Variants in TLL1 observed in about 807,000 individuals in gnomAD.
TLL1 encodes tolloid like 1.
A neutral mutation model predicts 128.2 loss-of-function variants in TLL1; 49 were observed. The observed-to-expected ratio is 0.38, with a 90% CI of 0.30 to 0.48. The LOEUF (loss-of-function observed/expected upper bound fraction) is 0.48. Among genes scored for constraint, TLL1 ranks in the 20% least tolerant of loss-of-function variants. The pLI is 0.96. For synonymous variants in TLL1, 454 were observed against 418.8 expected, an observed-to-expected ratio of 1.08 and a Z score of -1.03; for missense variants, 1,123 against 1,242.0, an observed-to-expected ratio of 0.90 and a Z score of 1.44.
chr4:166,044,157 A>G (rs532127601), intron 12 of TLL1, among the ~76,000 whole-genome samples: 3 of 152,206 alleles, frequency 2.0e-5, no homozygotes, highest in Admixed American at 2.0e-4. Context: ...GTGGAGAAGA[A>G]CAATGAGATG....
intron 10 of TLL1, among the ~76,000 whole-genome samples, chr4:166,041,810 G>A (rs898713936): frequency 6.6e-6 from 1 of 152,096 alleles, no homozygotes; most frequent in African/African-American, 2.4e-5. Context: ...CAGCTACTCT[G>A]AGGCTGATGG....
chr4:166,077,425 AAGAG>A (rs34584987), intron 17 of TLL1, among the ~76,000 whole-genome samples: 5 of 152,108 alleles, frequency 3.3e-5, no homozygotes, highest in Admixed American at 2.0e-4. Context: ...ATATTTAACT[AAGAG>A]AGAGAGAAAA....
intron 7 of TLL1, among the ~76,000 whole-genome samples, chr4:166,009,722 A>G (rs1737598910): frequency 6.6e-6 from 1 of 151,414 alleles, no homozygotes; most frequent in African/African-American, 2.4e-5. Flanking sequence ...GAAGCTGTTT[A>G]TTAACTTATA....
At chr4:165,903,165 C>T (rs796701594) in intron 1 of TLL1, among the ~76,000 whole-genome samples, 14 of 152,044 alleles carry the variant, frequency 9.2e-5, no homozygotes, top group African/African-American at 3.1e-4. Context: ...ATGGGGAAAC[C>T]CCATCTCTAG....
intron 1 of TLL1, among the ~76,000 whole-genome samples, chr4:165,923,925 G>T (rs1733159474): frequency 6.6e-6 from 1 of 151,976 alleles, no homozygotes; most frequent in Non-Finnish European, 1.5e-5. Context: ...TATTATATCT[G>T]TTATGGTGAT....
chr4:165,964,950 TAAGTA>T (rs537290199), intron 1 of TLL1, among the ~76,000 whole-genome samples: 31 of 151,956 alleles, frequency 2.0e-4, no homozygotes, highest in Admixed American at 5.2e-4. Flanking sequence ...AATAAATAAA[TAAGTA>T]AATAAATAAA....
At position 166,089,088 on chromosome 4, in the gene TLL1, A is replaced by G. The variant is rs372940556; in HGVS notation, c.2443-2040A>G. Among the ~76,000 whole-genome samples, 18 of 152,276 alleles carry G rather than the reference A, an allele frequency of 1.2e-4. No individual in the cohort carries two copies. In the East Asian group the frequency reaches 2.3e-3, roughly 20 times the overall value. On this transcript the variant is annotated intron_variant, in intron 18 of 20. Transcript: ENST00000061240. The stretch of plus-strand genomic sequence containing the variant: ...CTGGTTCTTTGCTCTTTATATTTAC[A>G]GATTAGTGACTTTAAATCACAATCA...
chr4:166,004,027 T>A (rs901370831), intron 6 of TLL1, among the ~76,000 whole-genome samples: 7 of 152,116 alleles, frequency 4.6e-5, no homozygotes, highest in Non-Finnish European at 7.4e-5. Flanking sequence ...TCCAGTGAAA[T>A]GAGTCATTTC....
At chr4:166,077,869 G>A (rs571874584) in intron 17 of TLL1, 34 bp from the exon 18 acceptor site, 4 of 1,611,982 alleles carry the variant, frequency 2.5e-6, no homozygotes, top group Non-Finnish European at 8.5e-7. Context: ...GGGCTGGATT[G>A]CCACACTGTC....
intron 1 of TLL1, among the ~76,000 whole-genome samples, chr4:165,910,913 A>G (rs1269783856): frequency 2.0e-4 from 31 of 152,186 alleles, no homozygotes; most frequent in Admixed American, 2.0e-3. Context: ...TGATAGACAC[A>G]TAATATTGGT....
At chr4:165,941,566 A>G (rs1434979863) in intron 1 of TLL1, among the ~76,000 whole-genome samples, 2 of 152,154 alleles carry the variant, frequency 1.3e-5, no homozygotes, top group African/African-American at 4.8e-5. Flanking sequence ...AGATTTAGTA[A>G]TTGATCTAAT....
At chr4:165,951,764 C>T (rs558585005) in intron 1 of TLL1, among the ~76,000 whole-genome samples, 5 of 152,126 alleles carry the variant, frequency 3.3e-5, no homozygotes, top group Non-Finnish European at 5.9e-5. Flanking sequence ...TTGTGTTCTA[C>T]ACTGGAGTGA....
At chr4:166,063,835 G>A (rs1202263072) in intron 15 of TLL1, among the ~76,000 whole-genome samples, 4 of 152,104 alleles carry the variant, frequency 2.6e-5, no homozygotes, top group East Asian at 1.9e-4. Flanking sequence ...GCCACACACC[G>A]GGGCCTGTCA....
chr4:166,052,905 A>G lies in TLL1; in HGVS notation c.1525-2171A>G, dbSNP rs1308001866. On this transcript the variant is annotated intron_variant, in intron 12 of 20. Transcript: ENST00000061240. The stretch of plus-strand genomic sequence containing the variant: ...TTTGGCCATCTGGAAATGTTCTCAT[A>G]TTTATAGAGAACCCTGATTTTGAAG... Among the ~76,000 whole-genome samples the G allele has an allele frequency of 2.1e-5, 3 of 145,494 alleles. No individual in the cohort carries two copies. In the East Asian group the frequency reaches 6.1e-4, roughly 30 times the overall value.
chr4:166,069,563 A>G (rs1335784518), intron 16 of TLL1, among the ~76,000 whole-genome samples: 1 of 151,810 alleles, frequency 6.6e-6, no homozygotes, highest in Non-Finnish European at 1.5e-5. Context: ...ATACAATGAA[A>G]TAATATATTT....
chr4:165,915,157 A>G (rs888771666), intron 1 of TLL1, among the ~76,000 whole-genome samples: 20 of 152,242 alleles, frequency 1.3e-4, no homozygotes, highest in Non-Finnish European at 1.6e-4. Flanking sequence ...AGGAGAGCTC[A>G]TCATTGATTT....
chr4:166,020,262 C>T (rs556879317), intron 8 of TLL1, among the ~76,000 whole-genome samples: 1 of 152,302 alleles, frequency 6.6e-6, no homozygotes, highest in East Asian at 1.9e-4. Context: ...GCCTTTCACG[C>T]ATAAGGCATT....
chr4:165,953,576 A>G (rs1476282233), intron 1 of TLL1, among the ~76,000 whole-genome samples: 1 of 149,174 alleles, frequency 6.7e-6, no homozygotes. Flanking sequence ...GAAAAAAAAA[A>G]AAAAAAGAAA....
At chr4:165,881,358 T>C (rs1730957817) in intron 1 of TLL1, among the ~76,000 whole-genome samples, 1 of 152,182 alleles carries the variant, frequency 6.6e-6, no homozygotes, top group Admixed American at 6.5e-5. Context: ...ATTAACATTA[T>C]CCCTCCTTCT....
Sources: allele counts gnomAD v4.1 joint callset (sites outside exome capture counted in the v4.1 genomes callset), GRCh38; gene constraint gnomAD v4.1.1; transcripts MANE v1.5; gene names NCBI Gene and HGNC (gene_info 2026-07-23, HGNC 2026-07-21).